Variants in PCDHA12 observed in about 807,000 individuals in gnomAD.
PCDHA12 encodes protocadherin alpha-12.
A neutral mutation model predicts 60.0 loss-of-function variants in PCDHA12; 44 were observed. That is an observed-to-expected ratio of 0.73 (90% CI 0.58 to 0.94). The LOEUF is 0.94. PCDHA12 is among the 40% of genes least tolerant of loss of function. The pLI, the probability that PCDHA12 is intolerant of heterozygous loss-of-function variation, is 0.00. For missense variants in PCDHA12, 1,276 were observed against 1,239.7 expected (o/e 1.03, Z -0.44); for synonymous variants, 569 against 553.0 (o/e 1.03, Z -0.40).
At chr5:140,896,226 T>C (rs1554186874) in intron 1 of PCDHA12, among the ~76,000 whole-genome samples, 1 of 152,242 alleles carries the variant, frequency 6.6e-6, no homozygotes, top group Non-Finnish European at 1.5e-5. Flanking sequence ...GTCTTTATAG[T>C]AGAATGACTT....
At chr5:140,946,477 T>C (rs1223421073) in intron 1 of PCDHA12, among the ~76,000 whole-genome samples, 2 of 151,720 alleles carry the variant, frequency 1.3e-5, no homozygotes, top group Non-Finnish European at 2.9e-5. Flanking sequence ...ACTGGGTATA[T>C]ATCCAAAGGA....
In PCDHA12 at chr5:140,876,321, G is replaced by T. The variant is rs2153339560; in HGVS notation, c.849G>T (p.Met283Ile). The change falls in exon 1 of 4, where the codon ATG (methionine) becomes ATT (isoleucine). Residue 283 changes from methionine (M) to isoleucine (I), a missense_variant. By Grantham distance (10) the Met-to-Ile change is conservative. Coordinates refer to ENST00000398631, the MANE Select transcript of PCDHA12 (RefSeq NM_018903.4). ...GAGAAATTTCCTATGGGATCAAAATGATTTTGCCAGTGAGTGAGAAATGTA... is the reference window on the plus strand; with the variant it reads ...GAGAAATTTCCTATGGGATCAAAATTATTTTGCCAGTGAGTGAGAAATGTA... Reference protein sequence around the residue: ...LNGEISYGIKMILPVSEKCMF... With the variant: ...LNGEISYGIKIILPVSEKCMF... The T allele has an allele frequency of 1.2e-6, 2 of 1,614,030 alleles. No homozygotes were observed. The highest frequency in any genetic ancestry group is 2.2e-5 in the East Asian group (1 of 44,886).
At position 140,877,091 on chromosome 5, in the gene PCDHA12, C is replaced by A; in HGVS notation, c.1619C>A (p.Ala540Asp). ...CAGTTCCAGGTGAGCGCGCGCGACG[C>A]CGGCGTGCCGCCTCTGGGCAGCAAC... is the stretch of plus-strand genomic sequence containing the variant. ...LLQFQVSARD[A>D]GVPPLGSNVT... Residue 540 changes from alanine (A) to aspartate (D), a missense_variant, in exon 1 of 4, where the codon GCC (alanine) becomes GAC (aspartate). Transcript: ENST00000398631. 1 of 1,613,252 alleles carries A rather than the reference C, an allele frequency of 6.2e-7. No homozygotes were observed.
intron 1 of PCDHA12, among the ~76,000 whole-genome samples, chr5:140,902,516 G>C (rs1410717975): frequency 6.6e-6 from 1 of 151,990 alleles, no homozygotes; most frequent in Non-Finnish European, 1.5e-5. Context: ...GTCATATATG[G>C]TTTTTATTAT....
chr5:140,925,498 A>G (rs1268906717), intron 1 of PCDHA12, among the ~76,000 whole-genome samples: 1 of 152,124 alleles, frequency 6.6e-6, no homozygotes, highest in East Asian at 1.9e-4. Flanking sequence ...CACTGTCCCA[A>G]TATCCACGCA....
At chr5:141,006,637 T>C (rs782585273) in intron 3 of PCDHA12, among the ~76,000 whole-genome samples, 8 of 152,118 alleles carry the variant, frequency 5.3e-5, no homozygotes, top group Non-Finnish European at 1.2e-4. Flanking sequence ...GCAATTCATA[T>C]AAGAGATGAT....
intron 1 of PCDHA12, chr5:140,930,208 A>C (rs939593947): frequency 6.6e-6 from 1 of 152,220 alleles, no homozygotes; most frequent in African/African-American, 2.4e-5. Flanking sequence ...AGAAATATTT[A>C]TGTGTTCAAA....
At chr5:140,883,074 C>T (rs1554176634) in intron 1 of PCDHA12, 2 of 1,614,042 alleles carry the variant, frequency 1.2e-6, no homozygotes, top group Admixed American at 3.3e-5. Context: ...GCCACAGATC[C>T]TGATGATGGT....
At chr5:140,985,128 G>A (rs908196925) in intron 3 of PCDHA12, among the ~76,000 whole-genome samples, 3 of 152,056 alleles carry the variant, frequency 2.0e-5, no homozygotes, top group Admixed American at 6.6e-5. Flanking sequence ...TAGTAAAGAC[G>A]GGGTTTCACC....
At position 140,951,559 on chromosome 5, in the gene PCDHA12, G is replaced by A. The variant is rs545470803; in HGVS notation, c.2368-27390G>A. On this transcript the variant is annotated intron_variant, in intron 1 of 3. Transcript: ENST00000398631. ...AGCAAGGGACGGGGGGAAGTGCTAC[G>A]CACTTTTAAACAACCAGATTTCACG... 1.6e-4 allele frequency among the ~76,000 whole-genome samples: 25 copies of A among 152,040 alleles called. No individual in the cohort carries two copies. The South Asian group carries it at 5.2e-3, about 32-fold the overall frequency.
At chr5:140,894,554 G>GA (rs1204407145) in intron 1 of PCDHA12, among the ~76,000 whole-genome samples, 2 of 151,600 alleles carry the variant, frequency 1.3e-5, no homozygotes, top group Non-Finnish European at 2.9e-5. Flanking sequence ...GTTTACTTCT[G>GA]AAAAAATTAT....
At chr5:140,960,299 A>G (rs246005) in intron 1 of PCDHA12, among the ~76,000 whole-genome samples, 1 of 151,808 alleles carries the variant, frequency 6.6e-6, no homozygotes. Flanking sequence ...TTTCTTCATC[A>G]ATACCAACCT....
intron 1 of PCDHA12, among the ~76,000 whole-genome samples, chr5:140,974,396 G>A (rs1413050341): frequency 6.6e-6 from 1 of 152,178 alleles, no homozygotes; most frequent in Non-Finnish European, 1.5e-5. Context: ...CATTAGGTAT[G>A]TTCTAAAGTT....
chr5:140,956,710 CAGA>C (rs1554222572), intron 1 of PCDHA12, among the ~76,000 whole-genome samples: 1 of 152,144 alleles, frequency 6.6e-6, no homozygotes, highest in Non-Finnish European at 1.5e-5. Flanking sequence ...GGAATAGCTT[CAGA>C]AGAATTGGTA....
intron 1 of PCDHA12, among the ~76,000 whole-genome samples, chr5:140,960,579 C>G (rs2095556928): frequency 6.6e-6 from 1 of 152,052 alleles, no homozygotes; most frequent in South Asian, 2.1e-4. Context: ...AGTTGGAAAA[C>G]AGTTCAAATT....
intron 3 of PCDHA12, among the ~76,000 whole-genome samples, chr5:141,000,094 C>G (rs782020096): frequency 1.3e-5 from 2 of 152,128 alleles, no homozygotes; most frequent in Non-Finnish European, 2.9e-5. Flanking sequence ...GTGAATGGAG[C>G]TCAACTCCGT....
At chr5:140,894,947 A>G (rs1257936552) in intron 1 of PCDHA12, among the ~76,000 whole-genome samples, 1 of 152,178 alleles carries the variant, frequency 6.6e-6, no homozygotes, top group Non-Finnish European at 1.5e-5. Flanking sequence ...TTGTCATGAA[A>G]TGATAAAAAT....
intron 3 of PCDHA12, among the ~76,000 whole-genome samples, chr5:140,990,850 T>C (rs528860965): frequency 3.3e-5 from 5 of 152,312 alleles, no homozygotes; most frequent in African/African-American, 1.2e-4. Context: ...AATAGAGCCC[T>C]GAGGACATTG....
intron 3 of PCDHA12, among the ~76,000 whole-genome samples, chr5:141,004,899 C>A (rs898562164): frequency 4.6e-5 from 7 of 152,096 alleles, no homozygotes. Context: ...TCAGCTCTGC[C>A]AGGGTGTAAG....
Sources: gnomAD v4.1 joint callset for allele counts (sites outside exome capture counted in the v4.1 genomes callset) on GRCh38, gnomAD v4.1.1 for gene constraint, MANE v1.5 for transcripts, NCBI Gene and HGNC (gene_info 2026-07-23, HGNC 2026-07-21) for gene names.